Variants in TBC1D22A observed in about 807,000 individuals in gnomAD.
TBC1D22A encodes the protein putative GTPase activator.
Under a neutral mutation model 60.2 loss-of-function variants are expected in TBC1D22A, and 38 were observed. The observed-to-expected ratio is 0.63, with a 90% CI of 0.49 to 0.83. TBC1D22A has a LOEUF of 0.83. TBC1D22A is among the 40% of genes least tolerant of loss of function. The pLI, the probability that TBC1D22A is intolerant of heterozygous loss-of-function variation, is 0.00. For missense variants in TBC1D22A, 628 were observed against 701.0 expected, an observed-to-expected ratio of 0.90 and a Z score of 1.18; for synonymous variants, 302 against 281.7, an observed-to-expected ratio of 1.07 and a Z score of -0.72.
chr22:47,121,506 C>A (rs12158826), intron 12 of TBC1D22A, among the ~76,000 whole-genome samples: 15,249 of 152,122 alleles, frequency 0.1, 2,506 homozygotes, highest in African/African-American at 0.35. Flanking sequence ...CTGAAACGAG[C>A]AAATGTTTTC....
In TBC1D22A at chr22:47,009,355, T is replaced by C. The variant is rs1216809440; in HGVS notation, c.1201+11646T>C. ...CATCATTATGTCATCACCACCATCA[T>C]CATCACCATCACCATCATCATTTCA... On this transcript the variant is annotated intron_variant, in intron 10 of 12. Transcript: ENST00000337137. This position sits in a 1 kb window ranked among gnomAD's most constrained non-coding sequence, Gnocchi z 5.8. 6.6e-6 allele frequency among the ~76,000 whole-genome samples: 1 copy of C among 151,456 alleles called. No individual in the cohort carries two copies. The highest frequency in any genetic ancestry group is 1.5e-5 in the Non-Finnish European group (1 of 67,906).
chr22:47,048,516 C>A (rs2063102243), intron 11 of TBC1D22A, among the ~76,000 whole-genome samples: 1 of 152,166 alleles, frequency 6.6e-6, no homozygotes, highest in African/African-American at 2.4e-5. Context: ...GGGTGAAGGG[C>A]ACAGCAGCCT....
At chr22:47,105,251 T>G (rs185030591) in intron 11 of TBC1D22A, among the ~76,000 whole-genome samples, 1 of 151,816 alleles carries the variant, frequency 6.6e-6, no homozygotes, top group Non-Finnish European at 1.5e-5. Context: ...AAAAAAATAA[T>G]AGGGCAGAGC....
chr22:46,956,356 T>C (rs1602655948), intron 8 of TBC1D22A, among the ~76,000 whole-genome samples: 1 of 152,126 alleles, frequency 6.6e-6, no homozygotes, highest in South Asian at 2.1e-4. Context: ...GAGGCTGAGG[T>C]GGGCACATCA....
intron 11 of TBC1D22A, among the ~76,000 whole-genome samples, chr22:47,038,767 A>G (rs1049126147): frequency 3.9e-5 from 6 of 152,172 alleles, no homozygotes; most frequent in Admixed American, 1.3e-4. Context: ...AATTATCACC[A>G]GTCAGCAGAC....
intron 11 of TBC1D22A, among the ~76,000 whole-genome samples, chr22:47,050,295 G>A (rs2063167445): frequency 6.6e-6 from 1 of 152,268 alleles, no homozygotes; most frequent in Middle Eastern, 3.4e-3. Flanking sequence ...ATGAGCCACC[G>A]CGCCTGGCCG....
intron 4 of TBC1D22A, among the ~76,000 whole-genome samples, chr22:46,809,301 C>G (rs1319816112): frequency 1.3e-5 from 2 of 152,128 alleles, no homozygotes; most frequent in Admixed American, 6.6e-5. Flanking sequence ...CGAGCGTGCA[C>G]AGGAGCTCTC....
chr22:46,799,382 GAT>G (rs1209925305), intron 4 of TBC1D22A, among the ~76,000 whole-genome samples: 2 of 152,166 alleles, frequency 1.3e-5, no homozygotes, highest in Non-Finnish European at 2.9e-5. Context: ...GTCAGTTGGA[GAT>G]ATATCCCTTT....
chr22:46,779,419 T>C (rs801620), intron 1 of TBC1D22A, among the ~76,000 whole-genome samples: 87,702 of 151,856 alleles, frequency 0.58, 25,455 homozygotes, highest in Middle Eastern at 0.67. Flanking sequence ...CCACCACACC[T>C]GGCTAATGTT....
chr22:46,907,325 T>A (rs773048816), intron 7 of TBC1D22A, among the ~76,000 whole-genome samples: 25 of 152,220 alleles, frequency 1.6e-4, no homozygotes, highest in Middle Eastern at 3.2e-3. Context: ...CCTTCCTCTC[T>A]GTGCATTTTT....
At chr22:47,018,596 T>C (rs2061979319) in intron 10 of TBC1D22A, among the ~76,000 whole-genome samples, 1 of 152,170 alleles carries the variant, frequency 6.6e-6, no homozygotes, top group African/African-American at 2.4e-5. Flanking sequence ...GGTGGCTGTT[T>C]AGTGAATGGC....
In TBC1D22A at chr22:47,175,492, C is replaced by T. The variant is rs941717204; in HGVS notation, c.*1866C>T. On this transcript the variant is annotated 3_prime_UTR_variant, in exon 13 of 13. Coordinates refer to ENST00000337137, the MANE Select transcript of TBC1D22A (RefSeq NM_014346.5). ...GAAGGCTGCGGACACAACTGACCTG[C>T]TTCTCGAGGTGGTTGATGTTTTAAA... 6.6e-6 allele frequency: 1 copy of T among 152,224 alleles called. No individual in the cohort carries two copies. Among genetic ancestry groups the T allele is most frequent in the African/African-American group, 2.4e-5 (1 of 41,328 alleles). The allele number at this position is 152,224 out of a possible 1,614,324, so 9.4% of individuals were successfully genotyped here.
rs1182029682 is a variant in TBC1D22A, at chr22:47,023,599, AGAG to A, written c.1202-13468_1202-13466del. 3.3e-5 allele frequency among the ~76,000 whole-genome samples: 5 copies of A among 152,242 alleles called. No homozygotes were observed. The East Asian group carries it at 5.8e-4, about 18-fold the overall frequency. ...TATAAAGAAAACATCAGAAGCATCC[AGAG>A]GAGAAGAGACACCCTGCATTACAAA... On this transcript the variant is annotated intron_variant, in intron 10 of 12. Coordinates refer to ENST00000337137, the MANE Select transcript of TBC1D22A (RefSeq NM_014346.5).
chr22:46,928,768 C>G (rs971326030), intron 8 of TBC1D22A, among the ~76,000 whole-genome samples: 1 of 151,890 alleles, frequency 6.6e-6, no homozygotes, highest in Non-Finnish European at 1.5e-5. Context: ...AGATATTTCT[C>G]CAGAGAAAAT....
At chr22:46,781,796 C>A (rs767710389) in intron 1 of TBC1D22A, among the ~76,000 whole-genome samples, 2 of 152,138 alleles carry the variant, frequency 1.3e-5, no homozygotes, top group Non-Finnish European at 2.9e-5. Context: ...AGTCTGTGAC[C>A]CTTCATCAGT....
intron 9 of TBC1D22A, among the ~76,000 whole-genome samples, chr22:46,981,363 G>C (rs747936092): frequency 1.3e-5 from 2 of 152,228 alleles, no homozygotes; most frequent in Non-Finnish European, 2.9e-5. Flanking sequence ...GTTAGTTGCA[G>C]CATTGGGGTT....
At chr22:46,766,058 T>C (rs371180024) in intron 1 of TBC1D22A, among the ~76,000 whole-genome samples, 17 of 151,438 alleles carry the variant, frequency 1.1e-4, no homozygotes, top group South Asian at 4.2e-4. Context: ...AGTGCAGTGG[T>C]GCGATCTCGG....
rs146594830 is a variant in TBC1D22A, at chr22:46,964,204, C to T, written c.1016-10086C>T. On this transcript the variant is annotated intron_variant, in intron 8 of 12. Transcript: ENST00000337137. ...TCCGAAACACATTCTTTGTGTGAAG[C>T]CTACTTTAGGGTAGGCATGGAGAAC... Among the ~76,000 whole-genome samples the T allele has an allele frequency of 7.8e-3, 1,182 of 152,318 alleles. 55 individuals are homozygous for T. Among genetic ancestry groups the T allele is most frequent in the Admixed American group, 0.072 (1,097 of 15,306 alleles).
Position 46,818,449 on chromosome 22 carries a change from T to A in TBC1D22A, c.637+20829T>A, listed in dbSNP as rs1382874707. Among the ~76,000 whole-genome samples the A allele has an allele frequency of 2.0e-5, 3 of 152,230 alleles. No individual in the cohort carries two copies. The South Asian group carries it at 6.2e-4, about 31-fold the overall frequency. ...TTTAAGGTATAAGGAAGGGGTCCAG[T>A]TGTAGTTTTGTGCATATGGGTAGCC... On this transcript the variant is annotated intron_variant, in intron 4 of 12. Coordinates refer to ENST00000337137, the MANE Select transcript of TBC1D22A (RefSeq NM_014346.5).
Sources: allele counts gnomAD v4.1 joint callset (sites outside exome capture counted in the v4.1 genomes callset), GRCh38; gene constraint gnomAD v4.1.1; non-coding constraint Gnocchi (gnomAD v3.1); transcripts MANE v1.5; gene names NCBI Gene and HGNC (gene_info 2026-07-23, HGNC 2026-07-21).